The following EDIL3 variants were observed in gnomAD, a reference collection of about 807,000 sequenced individuals.
The protein encoded by EDIL3 is EGF-like repeat and discoidin I-like domain-containing protein 3.
A neutral mutation model predicts 67.4 loss-of-function variants in EDIL3; 37 were observed. The ratio of observed to expected loss-of-function variants is 0.55; its 90% confidence interval spans 0.42 to 0.72. EDIL3 has a LOEUF of 0.72. EDIL3 is among the 30% of genes least tolerant of loss of function. EDIL3 has a pLI of 0.00. For synonymous variants in EDIL3, 195 were observed against 196.3 expected (o/e 0.99, Z 0.05); for missense variants, 527 against 586.3 (o/e 0.90, Z 1.04).
intron 1 of EDIL3, among the ~76,000 whole-genome samples, chr5:84,371,343 G>A (rs201733690): frequency 0.17 from 18,694 of 113,040 alleles, 1,763 homozygotes; most frequent in Middle Eastern, 0.27. Context: ...ATATATATAT[G>A]TGTGTGTGTA....
intron 8 of EDIL3, among the ~76,000 whole-genome samples, chr5:84,062,850 T>A (rs1425074702): frequency 6.6e-6 from 1 of 152,092 alleles, no homozygotes; most frequent in Non-Finnish European, 1.5e-5. Context: ...AAATTTTACT[T>A]CTTATCCATA....
At chr5:84,215,139 C>T (rs1362517490) in intron 3 of EDIL3, among the ~76,000 whole-genome samples, 2 of 152,134 alleles carry the variant, frequency 1.3e-5, no homozygotes, top group Non-Finnish European at 2.9e-5. Flanking sequence ...GTATCAAACA[C>T]TTGTTCTAGA....
At chr5:84,049,677 A>T (rs1746291823) in intron 9 of EDIL3, among the ~76,000 whole-genome samples, 2 of 152,312 alleles carry the variant, frequency 1.3e-5, no homozygotes, top group East Asian at 3.9e-4. Flanking sequence ...CTAAAATTTG[A>T]CCTTTGGGAG....
intron 1 of EDIL3, among the ~76,000 whole-genome samples, chr5:84,322,951 C>G (rs1211827849): frequency 6.6e-6 from 1 of 151,850 alleles, no homozygotes; most frequent in Non-Finnish European, 1.5e-5. Context: ...AATCAAGAAT[C>G]CTGTATCCTG....
intron 1 of EDIL3, among the ~76,000 whole-genome samples, chr5:84,309,705 G>T (rs1236446290): frequency 1.3e-5 from 2 of 152,014 alleles, no homozygotes; most frequent in Non-Finnish European, 2.9e-5. Context: ...AGTATTCCAT[G>T]GTGTATATGT....
chr5:84,171,766 T>C (rs929824722), intron 4 of EDIL3, among the ~76,000 whole-genome samples: 1 of 152,190 alleles, frequency 6.6e-6, no homozygotes. Context: ...TTTTCAGTCT[T>C]AGTTGTACAT....
chr5:83,974,625 G>C lies in EDIL3; in HGVS notation c.1138-11265C>G, dbSNP rs144987631. ...AGGGCAAAGAGCCTCCAGCAGATCT[G>C]GCAGGGCTATCTAGTTCCTCAGCAT... On this transcript the variant is annotated intron_variant, in intron 9 of 10. Coordinates refer to ENST00000296591, the MANE Select transcript of EDIL3 (RefSeq NM_005711.5). 1.5e-3 allele frequency among the ~76,000 whole-genome samples: 231 copies of C among 152,132 alleles called. 2 individuals carry two copies. The highest frequency in any genetic ancestry group is 5.3e-3 in the African/African-American group (219 of 41,552).
intron 9 of EDIL3, among the ~76,000 whole-genome samples, chr5:84,055,131 A>G (rs1210255224): frequency 6.8e-6 from 1 of 146,262 alleles, no homozygotes; most frequent in Non-Finnish European, 1.5e-5. Flanking sequence ...ATGGAACAGA[A>G]CAGAGCCCTC....
At chr5:84,069,259 A>G (rs1244854851) in intron 6 of EDIL3, among the ~76,000 whole-genome samples, 1 of 152,196 alleles carries the variant, frequency 6.6e-6, no homozygotes, top group Non-Finnish European at 1.5e-5. Flanking sequence ...TTTTGAACAA[A>G]TGGTAGCCTC....
At chr5:84,086,767 T>G (rs1747079814) in intron 6 of EDIL3, among the ~76,000 whole-genome samples, 1 of 152,096 alleles carries the variant, frequency 6.6e-6, no homozygotes, top group Non-Finnish European at 1.5e-5. Context: ...AAACTAACTA[T>G]GTCTTAAATA....
At chr5:84,115,207 GCT>G (rs1461318754) in intron 5 of EDIL3, among the ~76,000 whole-genome samples, 1 of 152,078 alleles carries the variant, frequency 6.6e-6, no homozygotes, top group Non-Finnish European at 1.5e-5. Context: ...ATAAGAATCA[GCT>G]CTTGGAGGTA....
chr5:83,982,313 TATCA>T (rs776805927), intron 9 of EDIL3, among the ~76,000 whole-genome samples: 10 of 152,098 alleles, frequency 6.6e-5, no homozygotes, highest in Non-Finnish European at 1.5e-4. Flanking sequence ...AAAATTAATA[TATCA>T]ATTAATAACT....
chr5:84,022,024 C>T (rs368512162), intron 9 of EDIL3, among the ~76,000 whole-genome samples: 26 of 151,836 alleles, frequency 1.7e-4, no homozygotes, highest in African/African-American at 4.1e-4. Flanking sequence ...TAATTGAAGA[C>T]GAGGAAATTC....
chr5:84,097,019 A>C (rs1747277093), intron 6 of EDIL3, among the ~76,000 whole-genome samples: 1 of 152,164 alleles, frequency 6.6e-6, no homozygotes, highest in Non-Finnish European at 1.5e-5. Flanking sequence ...AGGCCTCCCC[A>C]GCCATGTGGA....
chr5:84,276,817 C>T (rs1703891468), intron 1 of EDIL3, among the ~76,000 whole-genome samples: 1 of 152,046 alleles, frequency 6.6e-6, no homozygotes, highest in Non-Finnish European at 1.5e-5. Context: ...CGCGATCCAC[C>T]CGCCTAGGCC....
chr5:84,151,908 C>CT (rs201636890), intron 4 of EDIL3, among the ~76,000 whole-genome samples: 7,127 of 141,628 alleles, frequency 0.05, 413 homozygotes, highest in African/African-American at 0.14. Flanking sequence ...TTTGCTGCTT[C>CT]TTTTTTTTTT....
intron 9 of EDIL3, among the ~76,000 whole-genome samples, chr5:83,984,341 C>T (rs1485933125): frequency 6.6e-6 from 1 of 152,066 alleles, no homozygotes; most frequent in Non-Finnish European, 1.5e-5. Flanking sequence ...TCTAAGTACA[C>T]AGACTCTCTA....
chr5:84,250,255 A>T (rs1744996886), intron 2 of EDIL3, among the ~76,000 whole-genome samples: 1 of 152,154 alleles, frequency 6.6e-6, no homozygotes, highest in Non-Finnish European at 1.5e-5. Flanking sequence ...AATCTTAATA[A>T]CTCTAAGAGG....
At chr5:84,342,783 C>A (rs1020691537) in intron 1 of EDIL3, among the ~76,000 whole-genome samples, 3 of 151,934 alleles carry the variant, frequency 2.0e-5, no homozygotes, top group African/African-American at 7.3e-5. Context: ...TTTGTTTCAT[C>A]TATTTTTTGA....
Sources: allele counts gnomAD v4.1 joint callset (sites outside exome capture counted in the v4.1 genomes callset), GRCh38; gene constraint gnomAD v4.1.1; transcripts MANE v1.5; gene names NCBI Gene and HGNC (gene_info 2026-07-23, HGNC 2026-07-21).